The following PLCB4 variants were observed in gnomAD, a reference collection of about 807,000 sequenced individuals.
The protein encoded by PLCB4 is phospholipase C beta 4.
Under a neutral mutation model 178.8 loss-of-function variants are expected in PLCB4, and 77 were observed. The observed-to-expected ratio is 0.43, with a 90% CI of 0.36 to 0.52. The LOEUF is 0.52. Ranked by LOEUF, PLCB4 falls within the 20% of genes least tolerant of loss-of-function variation. The pLI, the probability that PLCB4 is intolerant of heterozygous loss-of-function variation, is 0.00. For missense variants in PLCB4, 1,024 were observed against 1,453.4 expected (o/e 0.70, Z 4.80); for synonymous variants, 496 against 490.8 (o/e 1.01, Z -0.14).
intron 2 of PLCB4, among the ~76,000 whole-genome samples, chr20:9,158,795 A>G (rs2092835055): frequency 6.6e-6 from 1 of 152,140 alleles, no homozygotes; most frequent in Non-Finnish European, 1.5e-5. Context: ...AGAGATTTTA[A>G]AGGCATGCTC....
intron 2 of PLCB4, among the ~76,000 whole-genome samples, chr20:9,208,565 G>A (rs2093638924): frequency 6.6e-6 from 1 of 151,344 alleles, no homozygotes; most frequent in Non-Finnish European, 1.5e-5. Context: ...TCTGAGACAG[G>A]GTCTTGCTCT....
intron 7 of PLCB4, among the ~76,000 whole-genome samples, chr20:9,348,262 G>A (rs570967232): frequency 3.3e-5 from 5 of 152,136 alleles, no homozygotes; most frequent in African/African-American, 7.2e-5. Flanking sequence ...AGTTGTTCTC[G>A]GCTTCAATCA....
chr20:9,207,643 G>A (rs757377540), intron 2 of PLCB4, among the ~76,000 whole-genome samples: 63 of 152,294 alleles, frequency 4.1e-4, no homozygotes, highest in Non-Finnish European at 7.8e-4. Context: ...TTCGGTTATT[G>A]AACTATAGAT....
intron 7 of PLCB4, among the ~76,000 whole-genome samples, chr20:9,356,758 G>A (rs1014478484): frequency 2.0e-5 from 3 of 152,150 alleles, no homozygotes; most frequent in African/African-American, 7.2e-5. Context: ...GATGGATAGA[G>A]CAATTTAGGC....
At chr20:9,161,085 G>A (rs1418493010) in intron 2 of PLCB4, among the ~76,000 whole-genome samples, 2 of 152,012 alleles carry the variant, frequency 1.3e-5, no homozygotes, top group Non-Finnish European at 2.9e-5. Flanking sequence ...TTGAGACAGT[G>A]GTTATTTGAG....
intron 2 of PLCB4, among the ~76,000 whole-genome samples, chr20:9,178,547 G>A (rs931350486): frequency 2.0e-5 from 3 of 151,410 alleles, no homozygotes; most frequent in African/African-American, 7.3e-5. Context: ...TTTTTTAAAA[G>A]CCCTATCCAT....
chr20:9,196,167 T>C (rs931261991), intron 2 of PLCB4, among the ~76,000 whole-genome samples: 11 of 152,102 alleles, frequency 7.2e-5, no homozygotes, highest in Non-Finnish European at 1.5e-4. Flanking sequence ...ACAGTCTATG[T>C]GTGGGGAGCA....
intron 15 of PLCB4, 148 bp downstream of exon 15, chr20:9,387,704 C>G: frequency 2.0e-6 from 1 of 504,854 alleles, no homozygotes; most frequent in Non-Finnish European, 3.5e-6. Flanking sequence ...AAAGTCAAGA[C>G]AAAGATCTTT....
chr20:9,363,083 C>T, intron 8 of PLCB4, 108 bp downstream of exon 8: 1 of 772,878 alleles, frequency 1.3e-6, no homozygotes, highest in South Asian at 1.5e-5. Context: ...GCTTGCCTTT[C>T]CCTCCATGCT....
chr20:9,416,822 G>A (rs902309073), intron 25 of PLCB4, among the ~76,000 whole-genome samples: 1 of 152,130 alleles, frequency 6.6e-6, no homozygotes, highest in Non-Finnish European at 1.5e-5. Context: ...TAAAAAATCA[G>A]TGTTGTCTCT....
chr20:9,329,735 G>A (rs79905912), intron 4 of PLCB4, among the ~76,000 whole-genome samples: 4,201 of 152,286 alleles, frequency 0.028, 195 homozygotes, highest in African/African-American at 0.096. Flanking sequence ...GTAGCACATA[G>A]CAAGGGTCTG....
Position 9,120,727 on chromosome 20 carries a change from C to A in PLCB4, c.-79+24385C>A, listed in dbSNP as rs1313716068. Among the ~76,000 whole-genome samples, 14 of 140,762 alleles carry A rather than the reference C, an allele frequency of 9.9e-5. No homozygotes were observed. In the Admixed American group the frequency reaches 1.0e-3, roughly 10 times the overall value. The allele number at this position is 140,762 out of a possible 152,430, so 92.3% of individuals were successfully genotyped here. A position where few individuals can be genotyped will look rare whatever the true frequency, so the allele number is the denominator to read the frequency against. ...TGATCCCAAGGTGCCCTGCTGCAGT[C>A]TTCCATGGGTTTCCACGGCCAGGTG... On this transcript the variant is annotated intron_variant, in intron 2 of 39. Transcript: ENST00000378473.
intron 1 of PLCB4, among the ~76,000 whole-genome samples, chr20:9,089,000 T>C (rs2090561403): frequency 6.6e-6 from 1 of 151,908 alleles, no homozygotes; most frequent in South Asian, 2.1e-4. Flanking sequence ...AAATATACTT[T>C]AAGAGTTGGC....
At chr20:9,238,784 A>T (rs376865731) in intron 3 of PLCB4, among the ~76,000 whole-genome samples, 1 of 152,242 alleles carries the variant, frequency 6.6e-6, no homozygotes, top group African/African-American at 2.4e-5. Flanking sequence ...TGGATAGCCA[A>T]TTGGGCTGGA....
At chr20:9,195,944 G>C (rs2093466758) in intron 2 of PLCB4, among the ~76,000 whole-genome samples, 1 of 152,114 alleles carries the variant, frequency 6.6e-6, no homozygotes, top group African/African-American at 2.4e-5. Context: ...AAAACAAAGA[G>C]GTTTTGGAGA....
At chr20:9,297,513 T>C (rs2094652055) in intron 3 of PLCB4, among the ~76,000 whole-genome samples, 1 of 152,102 alleles carries the variant, frequency 6.6e-6, no homozygotes, top group South Asian at 2.1e-4. Context: ...CAGAAACCTA[T>C]TGAAATTTAA....
chr20:9,335,839 T>G (rs776232163), intron 4 of PLCB4, among the ~76,000 whole-genome samples: 4 of 152,184 alleles, frequency 2.6e-5, no homozygotes, highest in Non-Finnish European at 5.9e-5. Context: ...AGCACACGCC[T>G]GATACAGAGT....
chr20:9,201,913 A>G (rs2093551963), intron 2 of PLCB4, among the ~76,000 whole-genome samples: 1 of 152,240 alleles, frequency 6.6e-6, no homozygotes, highest in Non-Finnish European at 1.5e-5. Flanking sequence ...ACTTATGCAT[A>G]AACCAAAATC....
chr20:9,093,994 T>A lies in PLCB4; in HGVS notation c.-134-2293T>A, dbSNP rs540057701. Among the ~76,000 whole-genome samples, 8 of 152,298 alleles carry A rather than the reference T, an allele frequency of 5.3e-5. No individual in the cohort carries two copies. The East Asian group carries it at 1.5e-3, about 29-fold the overall frequency. On this transcript the variant is annotated intron_variant, in intron 1 of 39. Transcript: ENST00000378473. Reference sequence around the variant, plus strand: ...AGCTAGGATAAGCAGGTAGCAGATCTGATAATTTATATCTGTGGCCCCAAA... The same window carrying A: ...AGCTAGGATAAGCAGGTAGCAGATCAGATAATTTATATCTGTGGCCCCAAA...
Sources: allele counts gnomAD v4.1 joint callset (sites outside exome capture counted in the v4.1 genomes callset), GRCh38; gene constraint gnomAD v4.1.1; transcripts MANE v1.5; gene names NCBI Gene and HGNC (gene_info 2026-07-23, HGNC 2026-07-21).